The following TEX36 variants were observed in gnomAD, a reference collection of about 807,000 sequenced individuals.
The protein encoded by TEX36 is testis expressed 36.
A neutral mutation model predicts 13.6 loss-of-function variants in TEX36; 12 were observed. That is an observed-to-expected ratio of 0.88 (90% CI 0.56 to 1.43). The LOEUF is 1.43. Ranked by LOEUF, TEX36 falls within the 40% of genes most tolerant of loss-of-function variation. The pLI, the probability that TEX36 is intolerant of heterozygous loss-of-function variation, is 0.00. For missense variants in TEX36, 224 were observed against 228.3 expected (o/e 0.98, Z 0.12); for synonymous variants, 93 against 83.0 (o/e 1.12, Z -0.65).
chr10:125,610,094 C>G (rs950909612), intron 3 of TEX36, among the ~76,000 whole-genome samples: 1 of 152,304 alleles, frequency 6.6e-6, no homozygotes, highest in East Asian at 1.9e-4. Context: ...GGAAGTTATC[C>G]TAAATAGTCT....
intron 3 of TEX36, among the ~76,000 whole-genome samples, chr10:125,597,093 C>G (rs539422606): frequency 3.9e-5 from 6 of 152,306 alleles, no homozygotes; most frequent in Admixed American, 3.9e-4. Context: ...TGACCACATG[C>G]AATTTTAGGG....
chr10:125,652,244 T>C (rs1182748048), downstream of TEX36, among the ~76,000 whole-genome samples: 1 of 151,784 alleles, frequency 6.6e-6, no homozygotes. Flanking sequence ...CTTTGAACTA[T>C]ACTACAAGTA....
intron 3 of TEX36, among the ~76,000 whole-genome samples, chr10:125,592,582 A>G (rs547954638): frequency 2.0e-5 from 3 of 152,116 alleles, no homozygotes; most frequent in South Asian, 4.2e-4. Context: ...GCAGACACCA[A>G]CTGAATAAAA....
rs186116983 is a variant in TEX36, at chr10:125,644,356, G to A, written c.264+16665C>T. 7.9e-5 allele frequency among the ~76,000 whole-genome samples: 12 copies of A among 151,994 alleles called. No individual in the cohort carries two copies. The East Asian group carries it at 1.2e-3, about 15-fold the overall frequency. ...AAGTAGCCATCTAAGACACATTCTC[G>A]AAGAACATGGAGGAGAGAAAATAAT... is the stretch of plus-strand genomic sequence containing the variant. On this transcript the variant is annotated intron_variant, in intron 3 of 3. Transcript: ENST00000526819.
At chr10:125,670,826 C>T (rs910836299) in intron 1 of TEX36, among the ~76,000 whole-genome samples, 1 of 151,922 alleles carries the variant, frequency 6.6e-6, no homozygotes, top group African/African-American at 2.4e-5. Flanking sequence ...CTCCCAGCAC[C>T]ATTTATTAAA....
chr10:125,625,919 T>C (rs999374461), intron 3 of TEX36, among the ~76,000 whole-genome samples: 1 of 152,186 alleles, frequency 6.6e-6, no homozygotes, highest in Non-Finnish European at 1.5e-5. Flanking sequence ...CTGTCGGAGT[T>C]GGTATAGTGG....
intron 3 of TEX36, among the ~76,000 whole-genome samples, chr10:125,613,695 G>A (rs964877240): frequency 6.6e-6 from 1 of 151,936 alleles, no homozygotes; most frequent in African/African-American, 2.4e-5. Flanking sequence ...GGACATTTGG[G>A]TTGGTTCCAA....
In TEX36 at chr10:125,673,710, CAAAA is replaced by C. The variant is rs3064205; in HGVS notation, c.51+9225_51+9228del. Among the ~76,000 whole-genome samples the C allele has an allele frequency of 9.0e-3, 614 of 68,440 alleles. 1 individual carries two copies. The highest frequency in any genetic ancestry group is 0.028 in the African/African-American group (531 of 18,922). The allele number at this position is 68,440 out of a possible 152,430, so 44.9% of individuals were successfully genotyped here. A position where few individuals can be genotyped will look rare whatever the true frequency, so the allele number is the denominator to read the frequency against. On this transcript the variant is annotated intron_variant, in intron 1 of 3. Coordinates refer to ENST00000368821, the MANE Select transcript of TEX36 (RefSeq NM_001128202.3). The stretch of plus-strand genomic sequence containing the variant: ...GGGCGACGAGAGAGAGACTCTCTCT[CAAAA>C]AAAAAAAAAAAAAAAAAAAGGTTGA...
intron 1 of TEX36, among the ~76,000 whole-genome samples, chr10:125,666,214 G>A (rs1847119454): frequency 6.6e-6 from 1 of 152,104 alleles, no homozygotes; most frequent in Admixed American, 6.5e-5. Context: ...GATTGCTCTG[G>A]CTAGGACTTC....
At chr10:125,609,633 G>C (rs536069513) in intron 3 of TEX36, among the ~76,000 whole-genome samples, 20 of 152,350 alleles carry the variant, frequency 1.3e-4, no homozygotes, top group Middle Eastern at 6.8e-3. Flanking sequence ...AACCCTGTGA[G>C]CTGTGAAGAG....
chr10:125,579,438 C>T (rs1845860481), intron 3 of TEX36, among the ~76,000 whole-genome samples: 1 of 152,174 alleles, frequency 6.6e-6, no homozygotes, highest in South Asian at 2.1e-4. Flanking sequence ...CTAATCACCT[C>T]CCATGAAGCC....
At chr10:125,662,642 G>T (rs1015886684) in intron 1 of TEX36, among the ~76,000 whole-genome samples, 1 of 152,208 alleles carries the variant, frequency 6.6e-6, no homozygotes, top group Admixed American at 6.5e-5. Flanking sequence ...GGCCTCTGTT[G>T]ACCCGGCTGG....
At chr10:125,588,204 T>C (rs1845981087) in intron 3 of TEX36, among the ~76,000 whole-genome samples, 1 of 152,250 alleles carries the variant, frequency 6.6e-6, no homozygotes, top group African/African-American at 2.4e-5. Context: ...CCATAGAGGT[T>C]GTACCAATTT....
chr10:125,663,153 C>T (rs930859949), intron 1 of TEX36, among the ~76,000 whole-genome samples: 7 of 152,160 alleles, frequency 4.6e-5, no homozygotes, highest in African/African-American at 9.7e-5. Context: ...TCTCAAGCCT[C>T]GGTTTCCCTA....
intron 3 of TEX36, among the ~76,000 whole-genome samples, chr10:125,625,522 G>A (rs1352366168): frequency 1.3e-5 from 2 of 152,222 alleles, no homozygotes; most frequent in Non-Finnish European, 2.9e-5. Context: ...AGAATTGTGT[G>A]TAGTAAAACC....
intron 1 of TEX36, among the ~76,000 whole-genome samples, chr10:125,676,468 T>C (rs868027403): frequency 1.3e-5 from 2 of 152,234 alleles, no homozygotes; most frequent in Admixed American, 6.5e-5. Flanking sequence ...AATATCTTTT[T>C]ATCATGACTT....
chr10:125,576,539 A>G, exon 4 of TEX36: 2 of 616,466 alleles, frequency 3.2e-6, no homozygotes, highest in Non-Finnish European at 2.7e-6. Context: ...TGCCAGGGAG[A>G]TAGCCCTATT....
chr10:125,607,442 GA>G (rs1280395793), intron 3 of TEX36, among the ~76,000 whole-genome samples: 1 of 152,188 alleles, frequency 6.6e-6, no homozygotes, highest in Non-Finnish European at 1.5e-5. Flanking sequence ...ATTTATTTCA[GA>G]AGCTATTGTT....
At chr10:125,653,034 T>C (rs1189533421), downstream of TEX36, among the ~76,000 whole-genome samples, 6 of 152,224 alleles carry the variant, frequency 3.9e-5, no homozygotes, top group African/African-American at 1.4e-4. Context: ...TTTACACTGT[T>C]GGTGGGACTG....
Sources: allele counts gnomAD v4.1 joint callset (sites outside exome capture counted in the v4.1 genomes callset), GRCh38; gene constraint gnomAD v4.1.1; transcripts MANE v1.5; gene names NCBI Gene and HGNC (gene_info 2026-07-23, HGNC 2026-07-21).